HTR3D: variants seen among roughly 807,000 people sequenced by gnomAD.
HTR3D encodes the protein 5-hydroxytryptamine receptor 3D.
In HTR3D, 47 loss-of-function variants were observed where a neutral mutation model predicts 45.8. That is an observed-to-expected ratio of 1.03 (90% confidence interval 0.81 to 1.31). The LOEUF (loss-of-function observed/expected upper bound fraction) is 1.31, where lower values mean the gene tolerates loss of function less well. Ranked by LOEUF, HTR3D falls within the 50% of genes most tolerant of loss-of-function variation. The pLI is 0.00. For missense variants in HTR3D, 448 were observed against 506.9 expected (o/e 0.88, Z 1.12); for synonymous variants, 203 against 199.8 (o/e 1.02, Z -0.13).
chr3:184,033,101 A>G lies in HTR3D; in HGVS notation c.66+1294A>G, dbSNP rs554477605. 2.4e-4 allele frequency: 334 copies of G among 1,367,980 alleles called. 5 individuals carry two copies. In the Admixed American group the frequency reaches 7.8e-3, roughly 32 times the overall value. The allele number at this position is 1,367,980 out of a possible 1,614,324, so 84.7% of individuals were successfully genotyped here. ...ACATTGCAGTGGTCTAGTGGTGAGCAGTGGACCCTCTGACTGGATTTTTTT... is the reference window on the plus strand; with the variant it reads ...ACATTGCAGTGGTCTAGTGGTGAGCGGTGGACCCTCTGACTGGATTTTTTT... On this transcript the variant is annotated intron_variant, in intron 1 of 7. Transcript: ENST00000428798.
upstream of HTR3D, chr3:184,031,702 A>G (rs760289200): frequency 8.3e-6 from 12 of 1,438,666 alleles, no homozygotes; most frequent in South Asian, 3.7e-5. Flanking sequence ...AAAGGTTAAC[A>G]TCATCATCAA....
chr3:184,034,746 T>C (rs1199221666), intron 1 of HTR3D, among the ~76,000 whole-genome samples: 4 of 139,508 alleles, frequency 2.9e-5, no homozygotes, highest in African/African-American at 1.2e-4. Flanking sequence ...GAGAATCACC[T>C]GAACCTGGGA....
chr3:184,039,094 T>C lies in HTR3D; in HGVS notation c.*119T>C. ...AACCGCCTCATTTTTAACCCAGTCC[T>C]CTGTGTAGTTTCAGACCAGACCTGA... On this transcript the variant is annotated 3_prime_UTR_variant, in exon 8 of 8. Coordinates refer to ENST00000428798, the MANE Select transcript of HTR3D (RefSeq NM_001145143.1). The C allele has an allele frequency of 9.1e-7, 1 of 1,102,850 alleles. No individual in the cohort carries two copies. The highest frequency in any genetic ancestry group is 1.3e-6 in the Non-Finnish European group (1 of 755,690). 68.3% of individuals were successfully genotyped at this position (1,102,850 alleles called of 1,614,324 possible). A position where few individuals can be genotyped will look rare whatever the true frequency, so the allele number is the denominator to read the frequency against.
At chr3:184,035,096 C>T (rs1722849073) in intron 1 of HTR3D, 82 bp from the exon 2 acceptor site, 1 of 1,549,782 alleles carries the variant, frequency 6.5e-7, no homozygotes, top group Admixed American at 2.0e-5. Context: ...ATGGACCAGC[C>T]TTGGAAGTGA....
chr3:184,032,922 G>C, intron 1 of HTR3D: 1 of 1,552,614 alleles, frequency 6.4e-7, no homozygotes, highest in Non-Finnish European at 8.7e-7. Flanking sequence ...ATTATCAATT[G>C]CCCAGGCTTT....
Position 184,038,271 on chromosome 3 carries a change from G to A in HTR3D, c.767G>A (p.Arg256Gln), listed in dbSNP as rs1014184726. Residue 256 changes from arginine (R) to glutamine (Q), a missense_variant and splice_region_variant, in exon 6 of 8, where the codon CGA becomes CAA. Transcript: ENST00000428798. This position sits in a 1 kb window ranked among gnomAD's most constrained non-coding sequence, Gnocchi z 4.5. The stretch of plus-strand genomic sequence containing the variant: ...CCTCATCCATCAAGAGACCAAAAGC[G>A]AGGTGTGTGTTGGATGGGGAGAGGG... ...VRPHPSRDQK[R>Q]GVYFALCLSL... 1.4e-5 allele frequency: 22 copies of A among 1,613,994 alleles called. No homozygotes were observed. The highest frequency in any genetic ancestry group is 1.8e-5 in the Non-Finnish European group (21 of 1,179,906).
intron 1 of HTR3D, among the ~76,000 whole-genome samples, chr3:184,034,875 G>A (rs945147559): frequency 2.0e-5 from 3 of 152,156 alleles, no homozygotes; most frequent in Non-Finnish European, 4.4e-5. Flanking sequence ...AATTAGAGGT[G>A]CATTCGGCGG....
chr3:184,038,675 C>T lies in HTR3D; in HGVS notation c.985+51C>T, dbSNP rs1048148726. The T allele has an allele frequency of 7.0e-6, 11 of 1,572,374 alleles. No individual in the cohort carries two copies. Among genetic ancestry groups the T allele is most frequent in the Non-Finnish European group, 9.5e-6 (11 of 1,157,616 alleles). ...CCCCACCTCCACTTCTCTGCTCCTG[C>T]CTCCTTCCCTGTCTCCCTCCCTCCA... On this transcript the variant is annotated intron_variant, in intron 7 of 7. Coordinates refer to ENST00000428798, the MANE Select transcript of HTR3D (RefSeq NM_001145143.1). The surrounding 1 kb of genome is among the most constrained non-coding windows in gnomAD (Gnocchi z 4.5).
intron 2 of HTR3D, 82 bp from the exon 3 acceptor site, chr3:184,035,933 T>G: frequency 7.2e-7 from 1 of 1,390,504 alleles, no homozygotes. Context: ...CCTTCAGTGA[T>G]CCCCCCGCCT....
intron 2 of HTR3D, among the ~76,000 whole-genome samples, chr3:184,035,564 C>G (rs898843137): frequency 1.3e-5 from 2 of 151,884 alleles, no homozygotes; most frequent in African/African-American, 4.8e-5. Flanking sequence ...AGAGAGGTGG[C>G]AGGAGAGTGA....
intron 5 of HTR3D, 29 bp downstream of exon 5, chr3:184,036,925 A>G (rs1722917799): frequency 1.3e-6 from 2 of 1,546,854 alleles, no homozygotes; most frequent in African/African-American, 1.4e-5. Context: ...ACAAGGTTTC[A>G]CCATGTTGGC....
rs1443827541 is a variant in HTR3D at position 184,036,358 on chromosome 3, C to T, written c.198-17C>T. 1 of 1,613,278 alleles carries T rather than the reference C, an allele frequency of 6.2e-7. No homozygotes were observed. Among genetic ancestry groups the T allele is most frequent in the African/African-American group, 1.3e-5 (1 of 74,924 alleles). On this transcript the variant is annotated splice_polypyrimidine_tract_variant and intron_variant, in intron 3 of 7. Transcript: ENST00000428798. ...CCACAGCACCTACCTCCCTGTCCTT[C>T]TCCCACACAGCATCAGTGTGGATCA... is the stretch of plus-strand genomic sequence containing the variant.
In HTR3D at chr3:184,037,964, T is replaced by C. The variant is rs878876715; in HGVS notation, c.517-57T>C. Reference sequence around the variant, plus strand: ...ACAAATCCCAGTTCTTACTCTTACCTGTCTTGACAGCCTCCCAGCCTACTT... The same window carrying C: ...ACAAATCCCAGTTCTTACTCTTACCCGTCTTGACAGCCTCCCAGCCTACTT... On this transcript the variant is annotated intron_variant, in intron 5 of 7. Transcript: ENST00000428798. 4.5e-5 allele frequency: 72 copies of C among 1,588,074 alleles called. No homozygotes were observed. The African/African-American group carries it at 8.2e-4, about 18-fold the overall frequency.
rs1444348877 is a variant in HTR3D at position 184,039,155 on chromosome 3, C to T, written c.*180C>T. On this transcript the variant is annotated 3_prime_UTR_variant, in exon 8 of 8. Transcript: ENST00000428798. ...ATGCCCTCCAAAAGTCGGGTCCTTGCTCCTGCATGCCATCAGCCCCACTCA... is the reference window on the plus strand; with the variant it reads ...ATGCCCTCCAAAAGTCGGGTCCTTGTTCCTGCATGCCATCAGCCCCACTCA... The T allele has an allele frequency of 1.5e-5, 10 of 648,858 alleles. No individual in the cohort carries two copies. The Middle Eastern group carries it at 9.5e-4, about 62-fold the overall frequency. 40.2% of individuals were successfully genotyped at this position (648,858 alleles called of 1,614,324 possible). A position where few individuals can be genotyped will look rare whatever the true frequency, so the allele number is the denominator to read the frequency against.
chr3:184,032,951 C>T (rs1722790886), intron 1 of HTR3D: 3 of 1,552,296 alleles, frequency 1.9e-6, no homozygotes, highest in Non-Finnish European at 2.6e-6. Context: ...CAGGGTGGAC[C>T]CTGCAGCCTT....
At position 184,036,872 on chromosome 3, in the gene HTR3D, C is replaced by T. The variant is rs7628229; in HGVS notation, c.492C>T (p.Asn164=). 2.3e-3 allele frequency: 3,542 copies of T among 1,551,488 alleles called. 44 individuals carry two copies. In the African/African-American group the frequency reaches 0.029, roughly 13 times the overall value. ...CAATAAAGGTGACCGTGGCCACTAA[C>T]CAGTATGAACAAGCCATCTTCCATG... ...KRTIKVTVAT[N]QYEQAIFHVA... is the part of the protein sequence containing the mutation. Residue 164 remains asparagine, a synonymous_variant, in exon 5 of 8, where the codon AAC becomes AAT. Transcript: ENST00000428798.
At chr3:184,035,780 G>A (rs1453434245) in intron 2 of HTR3D, among the ~76,000 whole-genome samples, 3 of 152,044 alleles carry the variant, frequency 2.0e-5, no homozygotes, top group Admixed American at 6.6e-5. Flanking sequence ...CCACCTCCTG[G>A]GTTCAAGCGA....
chr3:184,036,332 C>T, intron 3 of HTR3D, 43 bp from the exon 4 acceptor site: 1 of 1,604,946 alleles, frequency 6.2e-7, no homozygotes. Flanking sequence ...GATGGGGAAA[C>T]CCACAGCACC....
In HTR3D at chr3:184,036,859, C is replaced by CCGTGG. The variant is rs1444303795; in HGVS notation, c.481_485dup (p.Thr163TrpfsTer26). On this transcript the variant is annotated frameshift_variant, in exon 5 of 8. Coordinates refer to ENST00000428798, the MANE Select transcript of HTR3D (RefSeq NM_001145143.1). LOFTEE classifies it high-confidence loss of function. The stretch of plus-strand genomic sequence containing the variant: ...ATCCAAAAAAGAACAATAAAGGTGA[C>CCGTGG]CGTGGCCACTAACCAGTATGAACAA... 1.3e-6 allele frequency: 2 copies of CCGTGG among 1,551,412 alleles called. No individual in the cohort carries two copies. The highest frequency in any genetic ancestry group is 1.7e-6 in the Non-Finnish European group (2 of 1,146,938).
Sources: gnomAD v4.1 joint callset for allele counts (sites outside exome capture counted in the v4.1 genomes callset) on GRCh38, gnomAD v4.1.1 for gene constraint, Gnocchi (gnomAD v3.1) non-coding constraint, MANE v1.5 for transcripts, NCBI Gene and HGNC (gene_info 2026-07-23, HGNC 2026-07-21) for gene names.